EPHB1: variants seen among roughly 807,000 people sequenced by gnomAD.
The protein encoded by EPHB1 is EPH receptor B1, also known as ephrin type-B receptor 1.
Under a neutral mutation model 94.4 loss-of-function variants are expected in EPHB1, and 30 were observed. The observed-to-expected ratio is 0.32, with a 90% CI of 0.24 to 0.43. The LOEUF is 0.43. Among genes scored for constraint, EPHB1 ranks in the 20% least tolerant of loss-of-function variants. The pLI is 1.00. For synonymous variants in EPHB1, 522 were observed against 489.1 expected (o/e 1.07, Z -0.89); for missense variants, 1,055 against 1,308.3 (o/e 0.81, Z 2.99).
intron 9 of EPHB1, among the ~76,000 whole-genome samples, chr3:135,177,573 G>A (rs1942018180): frequency 6.6e-6 from 1 of 152,218 alleles, no homozygotes; most frequent in Non-Finnish European, 1.5e-5. Context: ...AATCTCAGGG[G>A]AATTAGGCCT....
rs758836944 is a variant in EPHB1 at position 135,132,880 on chromosome 3, T to C, written c.1128T>C (p.Asn376=). Residue 376 remains asparagine (N), a synonymous_variant, in exon 5 of 16, where the codon AAT becomes AAC. Coordinates refer to ENST00000398015, the MANE Select transcript of EPHB1 (RefSeq NM_004441.5). ...GGAGCTGCTCCCGCTGTGACGACAA[T>C]GTGGAGTTTGTGCCCAGGCAGCTGG... ...DRRSCSRCDD[N]VEFVPRQLGL... The C allele has an allele frequency of 1.9e-6, 3 of 1,614,042 alleles. No individual in the cohort carries two copies. The South Asian group carries it at 3.3e-5, about 18-fold the overall frequency.
At chr3:134,991,727 A>C (rs1934807779) in intron 3 of EPHB1, among the ~76,000 whole-genome samples, 1 of 151,990 alleles carries the variant, frequency 6.6e-6, no homozygotes, top group African/African-American at 2.4e-5. Context: ...TTTCAACTTG[A>C]GGCCTTTCCA....
intron 5 of EPHB1, among the ~76,000 whole-genome samples, chr3:135,134,270 C>T (rs146763683): frequency 6.6e-6 from 1 of 152,202 alleles, no homozygotes; most frequent in Non-Finnish European, 1.5e-5. Flanking sequence ...CTCTCTCTTC[C>T]TCTGTGTATC....
chr3:134,987,874 C>T (rs1934658297), intron 3 of EPHB1, among the ~76,000 whole-genome samples: 1 of 152,166 alleles, frequency 6.6e-6, no homozygotes, highest in South Asian at 2.1e-4. Context: ...CCTGCTGATA[C>T]CTTGATCTTG....
chr3:135,110,124 GA>G (rs1167706723), intron 4 of EPHB1, among the ~76,000 whole-genome samples: 2 of 152,216 alleles, frequency 1.3e-5, no homozygotes, highest in African/African-American at 4.8e-5. Context: ...TGCTGCCTGT[GA>G]AAAACTATAC....
At chr3:134,963,714 C>T (rs1436905186) in intron 3 of EPHB1, among the ~76,000 whole-genome samples, 1 of 152,046 alleles carries the variant, frequency 6.6e-6, no homozygotes, top group Non-Finnish European at 1.5e-5. Context: ...CTGCTGGTAA[C>T]CACTATTCTC....
At chr3:135,242,458 C>G (rs1427174021) in intron 13 of EPHB1, among the ~76,000 whole-genome samples, 1 of 152,084 alleles carries the variant, frequency 6.6e-6, no homozygotes, top group Non-Finnish European at 1.5e-5. Flanking sequence ...GGCAGCTGCT[C>G]GGAAGATTGA....
At chr3:135,154,868 G>A (rs1046805917) in intron 6 of EPHB1, among the ~76,000 whole-genome samples, 1 of 152,154 alleles carries the variant, frequency 6.6e-6, no homozygotes, top group African/African-American at 2.4e-5. Context: ...CCAAGAAAAG[G>A]GAAATGGTGC....
intron 10 of EPHB1, among the ~76,000 whole-genome samples, chr3:135,191,130 G>A (rs1055665116): frequency 6.7e-6 from 1 of 149,928 alleles, no homozygotes. Flanking sequence ...AGGGAGGGAG[G>A]GACAGAGGGA....
intron 7 of EPHB1, 130 bp from the exon 8 acceptor site, chr3:135,165,837 AC>A: frequency 1.7e-6 from 1 of 593,646 alleles, no homozygotes; most frequent in Non-Finnish European, 2.9e-6. Context: ...GGTTAGACTT[AC>A]AACTCTGACA....
At chr3:134,819,580 A>G (rs1195537383) in intron 1 of EPHB1, among the ~76,000 whole-genome samples, 1 of 152,228 alleles carries the variant, frequency 6.6e-6, no homozygotes, top group African/African-American at 2.4e-5. Context: ...CAGACACTCA[A>G]TAAATGTTTC....
At chr3:135,147,152 T>C (rs1337041753) in intron 5 of EPHB1, among the ~76,000 whole-genome samples, 1 of 152,164 alleles carries the variant, frequency 6.6e-6, no homozygotes, top group Non-Finnish European at 1.5e-5. Flanking sequence ...TTATTTCTGC[T>C]AACTCCTGCT....
At chr3:135,242,802 G>A (rs1233144183) in intron 13 of EPHB1, among the ~76,000 whole-genome samples, 1 of 152,154 alleles carries the variant, frequency 6.6e-6, no homozygotes, top group Non-Finnish European at 1.5e-5. Context: ...ACCCAGCAGG[G>A]CGCAGTGGCT....
At chr3:135,243,131 C>T (rs1228338590) in intron 13 of EPHB1, among the ~76,000 whole-genome samples, 1 of 151,262 alleles carries the variant, frequency 6.6e-6, no homozygotes, top group Non-Finnish European at 1.5e-5. Flanking sequence ...CCCATCTTAT[C>T]CTGCCCAAGA....
At chr3:134,995,522 T>C (rs1309641250) in intron 3 of EPHB1, among the ~76,000 whole-genome samples, 2 of 152,226 alleles carry the variant, frequency 1.3e-5, no homozygotes, top group Non-Finnish European at 2.9e-5. Context: ...CTAATGAGCA[T>C]ATGAAAGGAA....
intron 3 of EPHB1, among the ~76,000 whole-genome samples, chr3:135,039,024 C>G (rs1936740302): frequency 6.6e-6 from 1 of 152,100 alleles, no homozygotes; most frequent in Non-Finnish European, 1.5e-5. Flanking sequence ...TAGTTAGATA[C>G]AGAGTTTCGA....
At chr3:135,131,248 G>A (rs1294817535) in intron 4 of EPHB1, among the ~76,000 whole-genome samples, 1 of 152,214 alleles carries the variant, frequency 6.6e-6, no homozygotes, top group Non-Finnish European at 1.5e-5. Context: ...GTACAGTACT[G>A]ATTTTCTTTC....
intron 5 of EPHB1, among the ~76,000 whole-genome samples, chr3:135,142,179 T>G (rs145454899): frequency 2.8e-3 from 420 of 152,218 alleles, no homozygotes; most frequent in Non-Finnish European, 4.4e-3. Flanking sequence ...GGGGAAGTAT[T>G]GGGGTTGAAA....
intron 3 of EPHB1, among the ~76,000 whole-genome samples, chr3:135,076,260 T>TATATATATATATATATAC (rs1424213544): frequency 9.6e-6 from 1 of 104,350 alleles, no homozygotes; most frequent in African/African-American, 3.6e-5. Flanking sequence ...TATATATATA[T>TATATATATATATATATAC]AACTCTTAAA....
Sources: gnomAD v4.1 joint callset for allele counts (sites outside exome capture counted in the v4.1 genomes callset) on GRCh38, gnomAD v4.1.1 for gene constraint, MANE v1.5 for transcripts, NCBI Gene and HGNC (gene_info 2026-07-23, HGNC 2026-07-21) for gene names.